BRIP1: variants seen among roughly 807,000 people sequenced by gnomAD.
The protein encoded by BRIP1 is BRCA1 interacting DNA helicase 1.
A neutral mutation model predicts 119.7 loss-of-function variants in BRIP1; 88 were observed. The observed-to-expected ratio is 0.74, with a 90% confidence interval of 0.62 to 0.88. BRIP1 has a LOEUF of 0.88. Ranked by LOEUF, BRIP1 falls within the 40% of genes least tolerant of loss-of-function variation. The probability of loss-of-function intolerance (pLI) is 0.00; values close to 1 mark genes in which losing one functional copy is unlikely to be tolerated. For missense variants in BRIP1, 1,259 were observed against 1,455.4 expected, an observed-to-expected ratio of 0.87 and a Z score of 2.20; for synonymous variants, 443 against 496.5, an observed-to-expected ratio of 0.89 and a Z score of 1.43.
rs1350448856 is a variant in BRIP1, at chr17:61,805,737, TCA to T, written c.918+2728_918+2729del. Among the ~76,000 whole-genome samples, 1 of 152,222 alleles carries T rather than the reference TCA, an allele frequency of 6.6e-6. No homozygotes were observed. Among genetic ancestry groups the T allele is most frequent in the Non-Finnish European group, 1.5e-5 (1 of 68,034 alleles). On this transcript the variant is annotated intron_variant, in intron 7 of 19. Coordinates refer to ENST00000259008, the MANE Select transcript of BRIP1 (RefSeq NM_032043.3). This position sits in a 1 kb window ranked among gnomAD's most constrained non-coding sequence, Gnocchi z 5.6. The stretch of plus-strand genomic sequence containing the variant: ...AACGTGTCAATCATCTTTCATACTC[TCA>T]GTTTGATACAGACTGAGTTTAATAA...
In BRIP1 at chr17:61,793,506, G is replaced by C. The variant is rs2145236106; in HGVS notation, c.1473+91C>G. ...TTAAATTGCTATATTTAACAATTCT[G>C]GGTTACTCACTAGATTTAATCTGGA... is the stretch of plus-strand genomic sequence containing the variant. On this transcript the variant is annotated intron_variant, in intron 10 of 19. Transcript: ENST00000259008. The surrounding 1 kb of genome is among the most constrained non-coding windows in gnomAD (Gnocchi z 5.2). 1 of 1,228,570 alleles carries C rather than the reference G, an allele frequency of 8.1e-7. No individual in the cohort carries two copies. The highest frequency in any genetic ancestry group is 1.1e-6 in the Non-Finnish European group (1 of 873,642). The allele number at this position is 1,228,570 out of a possible 1,614,324, so 76.1% of individuals were successfully genotyped here. A position where few individuals can be genotyped will look rare whatever the true frequency, so the allele number is the denominator to read the frequency against.
chr17:61,743,251 A>C lies in BRIP1; in HGVS notation c.2258-117T>G. 7.9e-7 allele frequency: 1 copy of C among 1,267,868 alleles called. No individual in the cohort carries two copies. The highest frequency in any genetic ancestry group is 2.6e-5 in the East Asian group (1 of 38,866). The allele number at this position is 1,267,868 out of a possible 1,614,324, so 78.5% of individuals were successfully genotyped here. A position where few individuals can be genotyped will look rare whatever the true frequency, so the allele number is the denominator to read the frequency against. ...CAGTAGCAAATTTAAAATAATCAAA[A>C]TAAAACACTATTATGAGATAAAGTT... On this transcript the variant is annotated intron_variant, in intron 15 of 19. Coordinates refer to ENST00000259008, the MANE Select transcript of BRIP1 (RefSeq NM_032043.3). This position sits in a 1 kb window ranked among gnomAD's most constrained non-coding sequence, Gnocchi z 4.3.
intron 4 of BRIP1, among the ~76,000 whole-genome samples, chr17:61,854,555 A>G (rs112857769): frequency 0.16 from 24,674 of 151,776 alleles, 2,475 homozygotes; most frequent in East Asian, 0.55. Flanking sequence ...AAAAATACAA[A>G]AATTAGCCAG....
rs2078394323 is a variant in BRIP1 at position 61,825,620 on chromosome 17, CACAAATAA to C, written c.628-16871_628-16864del. 7.7e-6 allele frequency among the ~76,000 whole-genome samples: 1 copy of C among 129,744 alleles called. No individual in the cohort carries two copies. The highest frequency in any genetic ancestry group is 3.0e-5 in the African/African-American group (1 of 33,770). 85.1% of individuals were successfully genotyped at this position (129,744 alleles called of 152,430 possible). On this transcript the variant is annotated intron_variant, in intron 6 of 19. Transcript: ENST00000259008. This position sits in a 1 kb window ranked among gnomAD's most constrained non-coding sequence, Gnocchi z 4.1. The stretch of plus-strand genomic sequence containing the variant: ...GGAATGCAATCCCATTCACAATTGC[CACAAATAA>C]ATAAATAAATAAATAAATAAATAAA...
chr17:61,809,577 T>TA lies in BRIP1; in HGVS notation c.628-821dup, dbSNP rs1366656575. Among the ~76,000 whole-genome samples the TA allele has an allele frequency of 6.1e-5, 9 of 148,216 alleles. No individual in the cohort carries two copies. Among genetic ancestry groups the TA allele is most frequent in the South Asian group, 4.3e-4 (2 of 4,700 alleles). ...CTTCTGTTTCCAAATTCTCAAATAC[T>TA]AAAAAAAAAAGTTTAATGCTATATA... On this transcript the variant is annotated intron_variant, in intron 6 of 19. Coordinates refer to ENST00000259008, the MANE Select transcript of BRIP1 (RefSeq NM_032043.3). This position sits in a 1 kb window ranked among gnomAD's most constrained non-coding sequence, Gnocchi z 5.2.
At chr17:61,702,995 T>A (rs1284055959) in intron 17 of BRIP1, among the ~76,000 whole-genome samples, 1 of 151,400 alleles carries the variant, frequency 6.6e-6, no homozygotes, top group Non-Finnish European at 1.5e-5. Context: ...TTTTTTTGAC[T>A]TTTTAACGAT....
chr17:61,731,981 C>CTTTTTTTTTT (rs71299809), intron 16 of BRIP1, among the ~76,000 whole-genome samples: 51 of 83,028 alleles, frequency 6.1e-4, no homozygotes, highest in South Asian at 2.1e-3. Flanking sequence ...TTCTTTCTTT[C>CTTTTTTTTTT]TTTTTTTTTT....
chr17:61,813,308 A>T (rs150056390), intron 6 of BRIP1, among the ~76,000 whole-genome samples: 1 of 151,926 alleles, frequency 6.6e-6, no homozygotes, highest in African/African-American at 2.4e-5. Context: ...CCACATGTGC[A>T]TGTATTGTCT....
chr17:61,718,636 T>C (rs1355581628), intron 16 of BRIP1, among the ~76,000 whole-genome samples: 1 of 152,218 alleles, frequency 6.6e-6, no homozygotes, highest in South Asian at 2.1e-4. Context: ...CCCTAAACTT[T>C]ATCTCTTTAA....
Position 61,701,464 on chromosome 17 carries a change from T to C in BRIP1, c.2493-7952A>G, listed in dbSNP as rs999166897. Reference sequence around the variant, plus strand: ...ATTCTTTGCCAAGAGTCTCTGCATATATTGGGGCATAATTTCAATCCTCAG... The same window carrying C: ...ATTCTTTGCCAAGAGTCTCTGCATACATTGGGGCATAATTTCAATCCTCAG... On this transcript the variant is annotated intron_variant, in intron 17 of 19. Transcript: ENST00000259008. The surrounding 1 kb of genome is among the most constrained non-coding windows in gnomAD (Gnocchi z 5.1). Among the ~76,000 whole-genome samples the C allele has an allele frequency of 6.6e-6, 1 of 152,192 alleles. No homozygotes were observed. The highest frequency in any genetic ancestry group is 1.5e-5 in the Non-Finnish European group (1 of 68,028).
chr17:61,799,203 CT>C lies in BRIP1; in HGVS notation c.1236del (p.Val413PhefsTer10), dbSNP rs863224525. 2.5e-6 allele frequency: 4 copies of C among 1,613,550 alleles called. No homozygotes were observed. The highest frequency in any genetic ancestry group is 2.5e-6 in the Non-Finnish European group (3 of 1,179,698). On this transcript the variant is annotated frameshift_variant, in exon 9 of 20. Coordinates refer to ENST00000259008, the MANE Select transcript of BRIP1 (RefSeq NM_032043.3). LOFTEE classifies it high-confidence loss of function. The surrounding 1 kb of genome is among the most constrained non-coding windows in gnomAD (Gnocchi z 5.1). ...ARESASYSVTEVQLRFARDEL... is the reference protein window; with the variant it reads ...ARESASYSVTXVQLRFARDEL... ...TCATCCCGAGCAAACCGAAGCTGAA[CT>C]TCTGTTACACTGTAACTTGCTGATT... is the stretch of plus-strand genomic sequence containing the variant.
In BRIP1 at chr17:61,861,363, T is replaced by C. The variant is rs2078969602; in HGVS notation, c.93+84A>G. On this transcript the variant is annotated intron_variant, in intron 2 of 19. Coordinates refer to ENST00000259008, the MANE Select transcript of BRIP1 (RefSeq NM_032043.3). This position sits in a 1 kb window ranked among gnomAD's most constrained non-coding sequence, Gnocchi z 4.5. ...AAATATTCTCCATTTACTGAGAATA[T>C]GAATGCAGTCAAATACTCAATGTAC... is the stretch of plus-strand genomic sequence containing the variant. 6.7e-6 allele frequency: 6 copies of C among 901,356 alleles called. No individual in the cohort carries two copies. Among genetic ancestry groups the C allele is most frequent in the East Asian group, 5.0e-5 (2 of 39,824 alleles). 55.8% of individuals were successfully genotyped at this position (901,356 alleles called of 1,614,324 possible). A position where few individuals can be genotyped will look rare whatever the true frequency, so the allele number is the denominator to read the frequency against.
At chr17:61,733,790 A>T (rs532247304) in intron 16 of BRIP1, among the ~76,000 whole-genome samples, 1 of 152,276 alleles carries the variant, frequency 6.6e-6, no homozygotes, top group Non-Finnish European at 1.5e-5. Context: ...CTAGTTTGGT[A>T]ACTCAACATA....
intron 1 of BRIP1, among the ~76,000 whole-genome samples, chr17:61,863,021 G>T (rs1179650312): frequency 1.3e-5 from 2 of 152,026 alleles, no homozygotes; most frequent in African/African-American, 4.8e-5. Context: ...TGTCAAAATG[G>T]GGTAGCTTCC....
chr17:61,744,827 CTAT>C lies in BRIP1; in HGVS notation c.2098-239_2098-237del, dbSNP rs2077038539. Among the ~76,000 whole-genome samples, 1 of 150,918 alleles carries C rather than the reference CTAT, an allele frequency of 6.6e-6. No homozygotes were observed. The highest frequency in any genetic ancestry group is 1.5e-5 in the Non-Finnish European group (1 of 67,362). ...TTAGCTGCTGCTGCTGCTACTACTA[CTAT>C]TATCTTGGCAATTTCTACCACTACT... On this transcript the variant is annotated intron_variant, in intron 14 of 19. Coordinates refer to ENST00000259008, the MANE Select transcript of BRIP1 (RefSeq NM_032043.3). The surrounding 1 kb of genome is among the most constrained non-coding windows in gnomAD (Gnocchi z 5.0).
At chr17:61,694,077 A>G (rs973757206) in intron 17 of BRIP1, among the ~76,000 whole-genome samples, 3 of 152,162 alleles carry the variant, frequency 2.0e-5, no homozygotes, top group South Asian at 2.1e-4. Context: ...AAAAAAACAC[A>G]TTAAAAATAA....
In BRIP1 at chr17:61,748,933, T is replaced by G. The variant is rs548662817; in HGVS notation, c.2098-4342A>C. Among the ~76,000 whole-genome samples the G allele has an allele frequency of 6.6e-6, 1 of 152,116 alleles. No homozygotes were observed. The highest frequency in any genetic ancestry group is 2.1e-4 in the South Asian group (1 of 4,810). Reference sequence around the variant, plus strand: ...CGGGCAGATCACGAGGTCAGGAGATTGAGACCATCCTGGCTAACACGGTGA... The same window carrying G: ...CGGGCAGATCACGAGGTCAGGAGATGGAGACCATCCTGGCTAACACGGTGA... On this transcript the variant is annotated intron_variant, in intron 14 of 19. Coordinates refer to ENST00000259008, the MANE Select transcript of BRIP1 (RefSeq NM_032043.3). The surrounding 1 kb of genome is among the most constrained non-coding windows in gnomAD (Gnocchi z 4.7).
At chr17:61,813,812 T>A (rs566903910) in intron 6 of BRIP1, among the ~76,000 whole-genome samples, 2 of 152,152 alleles carry the variant, frequency 1.3e-5, no homozygotes, top group South Asian at 4.1e-4. Context: ...ATGACAAGGA[T>A]CACCTCATCT....
rs1555591459 is a variant in BRIP1 at position 61,744,531 on chromosome 17, C to T, written c.2158G>A (p.Val720Met). Residue 720 changes from valine (V) to methionine (M), a missense_variant, in exon 15 of 20, where the codon GTG becomes ATG. Around this residue, in one of 3 missense-constraint regions of BRIP1, gnomAD observed 753 missense variants for 891.8 expected, o/e 0.84. Transcript: ENST00000259008. The surrounding 1 kb of genome is among the most constrained non-coding windows in gnomAD (Gnocchi z 5.0). ...TGTGGTTCTACAATGACTGTCTTCA[C>T]CAACTCCAGATTATGCCATAAACCA... ...STGLWHNLEL[V>M]KTVIVEPQGG... 6.2e-7 allele frequency: 1 copy of T among 1,613,864 alleles called. No homozygotes were observed. The highest frequency in any genetic ancestry group is 2.2e-5 in the East Asian group (1 of 44,834).
Sources: gnomAD v4.1 joint callset for allele counts (sites outside exome capture counted in the v4.1 genomes callset) on GRCh38, gnomAD v4.1.1 for gene constraint, gnomAD v4.1.1 regional missense constraint, Gnocchi (gnomAD v3.1) non-coding constraint, MANE v1.5 for transcripts, NCBI Gene and HGNC (gene_info 2026-07-23, HGNC 2026-07-21) for gene names.